Variants in CCDC15 observed in about 807,000 individuals in gnomAD.
CCDC15 encodes coiled-coil domain-containing protein 15.
Under a neutral mutation model 114.5 loss-of-function variants are expected in CCDC15, and 105 were observed. The observed-to-expected ratio is 0.92, with a 90% CI of 0.78 to 1.08. The LOEUF is 1.08. Ranked by LOEUF, CCDC15 falls within the 50% of genes least tolerant of loss-of-function variation. The pLI, the probability that CCDC15 is intolerant of heterozygous loss-of-function variation, is 0.00. For missense variants in CCDC15, 1,105 were observed against 1,093.6 expected, an observed-to-expected ratio of 1.01 and a Z score of -0.15; for synonymous variants, 334 against 377.8, an observed-to-expected ratio of 0.88 and a Z score of 1.34.
chr11:124,959,976 C>G lies in CCDC15; in HGVS notation c.489C>G (p.Asn163Lys), dbSNP rs548762983. ...GDGIEDEENQNELFQQQAQAL... is the reference protein window; with the variant it reads ...GDGIEDEENQKELFQQQAQAL... ...GAATAGAGGATGAAGAGAATCAGAA[C>G]GAATTATTCCAACAACAAGCCCAGG... is the stretch of plus-strand genomic sequence containing the variant. Residue 163 changes from asparagine to lysine, a missense_variant, in exon 4 of 16, where the codon AAC becomes AAG. By Grantham distance (94) the Asn-to-Lys change is moderately conservative (BLOSUM62 0). Coordinates refer to ENST00000344762, the MANE Select transcript of CCDC15 (RefSeq NM_025004.3). The G allele has an allele frequency of 7.0e-6, 11 of 1,571,492 alleles. No individual in the cohort carries two copies. Among genetic ancestry groups the G allele is most frequent in the Non-Finnish European group, 8.6e-6 (10 of 1,156,880 alleles).
At position 124,959,139 on chromosome 11, in the gene CCDC15, G is replaced by T. The variant is rs368208768; in HGVS notation, c.202G>T (p.Glu68Ter). The change falls in exon 3 of 16, where the codon GAA (glutamate) becomes TAA (stop). Residue 68 changes from glutamate to a stop codon, truncating the protein, a stop_gained. Coordinates refer to ENST00000344762, the MANE Select transcript of CCDC15 (RefSeq NM_025004.3). LOFTEE classifies it high-confidence loss of function. ...GACATCAGCATATTTAATTGAAGAA[G>T]AACTAAAGGAACAGCTAAGAAAAAA... ...AYTSAYLIEE[E>*]LKEQLRKKQE... is the part of the protein sequence containing the mutation. The T allele has an allele frequency of 5.4e-5, 85 of 1,573,470 alleles. No homozygotes were observed. Among genetic ancestry groups the T allele is most frequent in the Non-Finnish European group, 6.7e-5 (78 of 1,162,626 alleles).
At chr11:124,970,726 CACAA>C (rs1947863518) in intron 4 of CCDC15, among the ~76,000 whole-genome samples, 1 of 152,220 alleles carries the variant, frequency 6.6e-6, no homozygotes, top group Non-Finnish European at 1.5e-5. Flanking sequence ...TAAAAAATTA[CACAA>C]ACAAGTTAAA....
At chr11:125,029,570 T>C (rs1372226364) in intron 13 of CCDC15, among the ~76,000 whole-genome samples, 2 of 152,200 alleles carry the variant, frequency 1.3e-5, no homozygotes, top group African/African-American at 4.8e-5. Flanking sequence ...TGCACAAACA[T>C]GTTTTTAACA....
chr11:124,959,037 A>T, intron 2 of CCDC15, 78 bp from the exon 3 acceptor site: 1 of 920,686 alleles, frequency 1.1e-6, no homozygotes, highest in Non-Finnish European at 1.6e-6. Flanking sequence ...CCTTATCCTG[A>T]CTGTTTTGTG....
intron 11 of CCDC15, among the ~76,000 whole-genome samples, chr11:125,002,388 A>C (rs1948494786): frequency 1.3e-5 from 2 of 152,252 alleles, no homozygotes; most frequent in South Asian, 4.1e-4. Context: ...GCAGCACAAA[A>C]GTTTTTAATT....
chr11:125,002,419 T>C (rs894260504), intron 11 of CCDC15, among the ~76,000 whole-genome samples: 1 of 152,192 alleles, frequency 6.6e-6, no homozygotes, highest in Non-Finnish European at 1.5e-5. Context: ...CCGATTTGTC[T>C]ACTTCTTCTT....
At chr11:124,992,129 T>G (rs768116160) in intron 9 of CCDC15, among the ~76,000 whole-genome samples, 1 of 152,240 alleles carries the variant, frequency 6.6e-6, no homozygotes, top group African/African-American at 2.4e-5. Context: ...TGTTTTTTTC[T>G]CTTCTACTTT....
chr11:125,015,053 T>C (rs923465037), intron 13 of CCDC15, among the ~76,000 whole-genome samples: 1 of 152,098 alleles, frequency 6.6e-6, no homozygotes, highest in Non-Finnish European at 1.5e-5. Context: ...GGAAATACTT[T>C]TGAGAGAATA....
chr11:124,987,161 T>C lies in CCDC15; in HGVS notation c.935T>C (p.Met312Thr). Residue 312 changes from methionine (M) to threonine (T), a missense_variant, in exon 8 of 16, where the codon ATG becomes ACG. Coordinates refer to ENST00000344762, the MANE Select transcript of CCDC15 (RefSeq NM_025004.3). ...VKFKNPLFVL[M>T]EEEEQKQLHF... The stretch of plus-strand genomic sequence containing the variant: ...TTCAAAAATCCATTATTTGTTCTGA[T>C]GGAAGAGGAAGAACAAAAGCAGTTA... 6.6e-7 allele frequency: 1 copy of C among 1,517,456 alleles called. No homozygotes were observed. Among genetic ancestry groups the C allele is most frequent in the South Asian group, 1.4e-5 (1 of 72,954 alleles). The allele number at this position is 1,517,456 out of a possible 1,614,324, so 94.0% of individuals were successfully genotyped here. A position where few individuals can be genotyped will look rare whatever the true frequency, so the allele number is the denominator to read the frequency against.
At chr11:125,023,685 T>C (rs1283504066) in intron 13 of CCDC15, among the ~76,000 whole-genome samples, 2 of 152,010 alleles carry the variant, frequency 1.3e-5, no homozygotes, top group Non-Finnish European at 2.9e-5. Context: ...TCCCCAAATG[T>C]TCCTGGTGAG....
In CCDC15 at chr11:124,987,442, G is replaced by A; in HGVS notation, c.1216G>A (p.Val406Met). 1.9e-6 allele frequency: 3 copies of A among 1,613,938 alleles called. No homozygotes were observed. The South Asian group carries it at 3.3e-5, about 18-fold the overall frequency. ...QSIELEEGSI[V>M]LKTQDFLPTN... ...TATTGAGCTAGAAGAAGGGAGTATT[G>A]TGTTGAAAACCCAGGATTTTCTACC... The change falls in exon 8 of 16, where the codon GTG becomes ATG. Residue 406 changes from valine (V) to methionine (M), a missense_variant. Coordinates refer to ENST00000344762, the MANE Select transcript of CCDC15 (RefSeq NM_025004.3).
At chr11:125,010,685 A>G (rs1464591059) in intron 13 of CCDC15, among the ~76,000 whole-genome samples, 1 of 152,062 alleles carries the variant, frequency 6.6e-6, no homozygotes, top group Non-Finnish European at 1.5e-5. Flanking sequence ...CCTTATAGAT[A>G]CTGGATATCA....
intron 4 of CCDC15, among the ~76,000 whole-genome samples, chr11:124,967,207 C>T (rs1033516545): frequency 7.2e-5 from 11 of 152,180 alleles, no homozygotes; most frequent in Non-Finnish European, 1.5e-4. Context: ...GGGAAGTTCT[C>T]CTGGATAATA....
rs1239347364 is a variant in CCDC15, at chr11:124,987,316, G to A, written c.1090G>A (p.Glu364Lys). The A allele has an allele frequency of 1.9e-6, 3 of 1,613,130 alleles. No homozygotes were observed. Among genetic ancestry groups the A allele is most frequent in the South Asian group, 2.2e-5 (2 of 90,920 alleles). The part of the protein sequence containing the change: ...QSVKPDTQAV[E>K]MKVQVTEPEG... ...TGTTAAGCCAGATACCCAGGCTGTT[G>A]AAATGAAGGTTCAGGTTACTGAGCC... Residue 364 changes from glutamate to lysine, a missense_variant, in exon 8 of 16, where the codon GAA becomes AAA. Physicochemically the swap from Glu to Lys is moderately conservative, Grantham distance 56. Transcript: ENST00000344762.
intron 11 of CCDC15, among the ~76,000 whole-genome samples, chr11:125,001,499 C>G (rs1054665818): frequency 6.6e-6 from 1 of 152,182 alleles, no homozygotes; most frequent in African/African-American, 2.4e-5. Context: ...GCATTAACCA[C>G]AATCAATCTG....
chr11:124,996,840 A>G (rs1188850606), intron 11 of CCDC15, among the ~76,000 whole-genome samples: 1 of 152,220 alleles, frequency 6.6e-6, no homozygotes, highest in East Asian at 1.9e-4. Flanking sequence ...ACTTAGCATA[A>G]TGCTATGGCA....
At chr11:124,967,013 T>C (rs531413061) in intron 4 of CCDC15, among the ~76,000 whole-genome samples, 73 of 152,368 alleles carry the variant, frequency 4.8e-4, no homozygotes, top group Admixed American at 2.9e-3. Context: ...GATCCGCTGT[T>C]AGTCTGATGG....
Position 125,039,029 on chromosome 11 carries a change from T to C in CCDC15, c.2694T>C (p.Asp898=). The C allele has an allele frequency of 3.1e-6, 5 of 1,609,146 alleles. No homozygotes were observed. The highest frequency in any genetic ancestry group is 4.3e-6 in the Non-Finnish European group (5 of 1,176,384). Residue 898 remains aspartate (D), a synonymous_variant, in exon 15 of 16, where the codon GAT becomes GAC. Coordinates refer to ENST00000344762, the MANE Select transcript of CCDC15 (RefSeq NM_025004.3). The part of the protein sequence containing the change: ...CGPDFWDAHP[D]TCANNCIFYK... ...CTGATTTTTGGGATGCTCATCCTGATACCTGTGCCAACAACTGTATTTTCT... is the reference window on the plus strand; with the variant it reads ...CTGATTTTTGGGATGCTCATCCTGACACCTGTGCCAACAACTGTATTTTCT...
At chr11:124,997,731 C>A (rs1948399257) in intron 11 of CCDC15, among the ~76,000 whole-genome samples, 1 of 152,110 alleles carries the variant, frequency 6.6e-6, no homozygotes, top group Non-Finnish European at 1.5e-5. Flanking sequence ...CACTTGAGAC[C>A]AGGAGTTTGA....
Sources: allele counts gnomAD v4.1 joint callset (sites outside exome capture counted in the v4.1 genomes callset), GRCh38; gene constraint gnomAD v4.1.1; transcripts MANE v1.5; gene names NCBI Gene and HGNC (gene_info 2026-07-23, HGNC 2026-07-21).